The following CCDC148 variants were observed in gnomAD, a reference collection of about 807,000 sequenced individuals.
CCDC148 encodes coiled-coil domain containing 148, also known as coiled-coil domain-containing protein 148.
CCDC148 carries 89 observed loss-of-function variants against 85.7 expected under a neutral mutation model. The observed-to-expected ratio is 1.04, with a 90% confidence interval of 0.87 to 1.24. The LOEUF (loss-of-function observed/expected upper bound fraction) is 1.24, where lower values mean the gene tolerates loss of function less well. CCDC148 is among the 50% of genes most tolerant of loss of function. The pLI is 0.00. For missense variants in CCDC148, 692 were observed against 671.7 expected, an observed-to-expected ratio of 1.03 and a Z score of -0.33; for synonymous variants, 230 against 213.9, an observed-to-expected ratio of 1.08 and a Z score of -0.66.
intron 9 of CCDC148, among the ~76,000 whole-genome samples, chr2:158,281,487 T>C (rs559235329): frequency 6.6e-6 from 1 of 151,498 alleles, no homozygotes; most frequent in Non-Finnish European, 1.5e-5. Flanking sequence ...CATCAGAGAG[T>C]AGTACAAACA....
chr2:158,375,854 C>A (rs1003552941), intron 1 of CCDC148, among the ~76,000 whole-genome samples: 2 of 152,114 alleles, frequency 1.3e-5, no homozygotes, highest in African/African-American at 4.8e-5. Flanking sequence ...ATGAAAGATT[C>A]ATACTAACTG....
intron 1 of CCDC148, among the ~76,000 whole-genome samples, chr2:158,408,230 T>C (rs1686108111): frequency 6.6e-6 from 1 of 152,186 alleles, no homozygotes; most frequent in Admixed American, 6.5e-5. Context: ...CTTTTTTCTT[T>C]TCTGTGGTGA....
intron 9 of CCDC148, among the ~76,000 whole-genome samples, chr2:158,297,559 C>CA (rs1691249075): frequency 6.6e-6 from 1 of 152,184 alleles, no homozygotes; most frequent in Non-Finnish European, 1.5e-5. Context: ...AGAAAGCAGT[C>CA]AAAATAGCAT....
intron 7 of CCDC148, among the ~76,000 whole-genome samples, chr2:158,328,154 A>T (rs917466282): frequency 6.6e-6 from 1 of 151,940 alleles, no homozygotes; most frequent in Non-Finnish European, 1.5e-5. Flanking sequence ...ACCTAATGCT[A>T]TCCCTCCCCT....
chr2:158,434,287 C>T (rs1048905072), intron 1 of CCDC148, among the ~76,000 whole-genome samples: 13 of 152,178 alleles, frequency 8.5e-5, no homozygotes, highest in African/African-American at 3.1e-4. Context: ...GAAGAAGGAT[C>T]AGGCAGCAAC....
chr2:158,180,776 G>T (rs1218996223), intron 11 of CCDC148, among the ~76,000 whole-genome samples: 1 of 152,094 alleles, frequency 6.6e-6, no homozygotes, highest in Non-Finnish European at 1.5e-5. Context: ...CATGAAAGGA[G>T]AGACACAGGA....
intron 1 of CCDC148, among the ~76,000 whole-genome samples, chr2:158,436,464 C>T (rs558827022): frequency 6.6e-6 from 1 of 152,222 alleles, no homozygotes; most frequent in Non-Finnish European, 1.5e-5. Flanking sequence ...ATCTCTGGGA[C>T]ACATTAAAAG....
At chr2:158,446,938 C>T (rs922248703) in intron 1 of CCDC148, among the ~76,000 whole-genome samples, 1 of 152,066 alleles carries the variant, frequency 6.6e-6, no homozygotes, top group Non-Finnish European at 1.5e-5. Flanking sequence ...TACCATGTAT[C>T]AGTAGTTCAT....
chr2:158,387,654 C>G (rs368707280), intron 1 of CCDC148, among the ~76,000 whole-genome samples: 1 of 152,072 alleles, frequency 6.6e-6, no homozygotes, highest in Admixed American at 6.6e-5. Flanking sequence ...TTCTGCCCCC[C>G]ACCCCATTGC....
chr2:158,174,241 G>A (rs1207935190), intron 13 of CCDC148, among the ~76,000 whole-genome samples: 2 of 151,990 alleles, frequency 1.3e-5, no homozygotes, highest in Admixed American at 6.6e-5. Context: ...GCATAAAGAC[G>A]TAAATAGCTT....
At chr2:158,230,656 CATTTCTT>C (rs1211901895) in intron 10 of CCDC148, among the ~76,000 whole-genome samples, 1 of 22,580 alleles carries the variant, frequency 4.4e-5, no homozygotes. Context: ...ATCTGACTTA[CATTTCTT>C]ACATTTTAAA....
At position 158,456,550 on chromosome 2, in the gene CCDC148, A is replaced by C; in HGVS notation, c.-111T>G. ...TACATCTAAGGGCTCAGCTGTTCCT[A>C]CCTTTGACGCCAGGGACAAACCCTA... On this transcript the variant is annotated 5_prime_UTR_variant, in exon 1 of 14. Transcript: ENST00000283233. 3.7e-6 allele frequency: 5 copies of C among 1,349,870 alleles called. No individual in the cohort carries two copies. Among genetic ancestry groups the C allele is most frequent in the Non-Finnish European group, 5.0e-6 (5 of 993,540 alleles). 83.6% of individuals were successfully genotyped at this position (1,349,870 alleles called of 1,614,324 possible). A position where few individuals can be genotyped will look rare whatever the true frequency, so the allele number is the denominator to read the frequency against.
intron 2 of CCDC148, among the ~76,000 whole-genome samples, chr2:158,354,029 T>C (rs931371573): frequency 6.6e-6 from 1 of 151,960 alleles, no homozygotes; most frequent in Non-Finnish European, 1.5e-5. Flanking sequence ...TTGAAACCAA[T>C]GAGAACAAAG....
At chr2:158,441,421 AAAGT>A (rs1687927264) in intron 1 of CCDC148, among the ~76,000 whole-genome samples, 2 of 152,256 alleles carry the variant, frequency 1.3e-5, no homozygotes, top group Admixed American at 1.3e-4. Flanking sequence ...CAAAAATTTT[AAAGT>A]AAATCAGAAA....
chr2:158,435,351 C>A (rs1687594296), intron 1 of CCDC148, among the ~76,000 whole-genome samples: 1 of 152,164 alleles, frequency 6.6e-6, no homozygotes, highest in Non-Finnish European at 1.5e-5. Flanking sequence ...GAATTTTCAA[C>A]CCAGAATTTC....
chr2:158,326,881 T>A (rs1471377072), intron 7 of CCDC148, among the ~76,000 whole-genome samples: 1 of 152,106 alleles, frequency 6.6e-6, no homozygotes, highest in Non-Finnish European at 1.5e-5. Flanking sequence ...TATAAAAATA[T>A]ATATGTTTGC....
chr2:158,326,223 T>G (rs1273099152), intron 7 of CCDC148, among the ~76,000 whole-genome samples: 1 of 152,120 alleles, frequency 6.6e-6, no homozygotes, highest in African/African-American at 2.4e-5. Context: ...ACTGGAATAT[T>G]TTTACCCAAA....
chr2:158,443,515 A>AAAAAAAAAAAAAAAAAAAAAAGAAAAG (rs1553524474), intron 1 of CCDC148, among the ~76,000 whole-genome samples: 51 of 100,878 alleles, frequency 5.1e-4, no homozygotes, highest in East Asian at 9.1e-4. Context: ...AAAAAAAAAA[A>AAAAAAAAAAAAAAAAAAAAAAGAAAAG]AAAAAAAAGA....
At chr2:158,284,946 G>A (rs1156398135) in intron 9 of CCDC148, among the ~76,000 whole-genome samples, 1 of 152,056 alleles carries the variant, frequency 6.6e-6, no homozygotes, top group Non-Finnish European at 1.5e-5. Flanking sequence ...TTAAAATTTT[G>A]AAAAATAAGC....
Sources: gnomAD v4.1 joint callset for allele counts (sites outside exome capture counted in the v4.1 genomes callset) on GRCh38, gnomAD v4.1.1 for gene constraint, MANE v1.5 for transcripts, NCBI Gene and HGNC (gene_info 2026-07-23, HGNC 2026-07-21) for gene names.